The following NINJ2 variants were observed in gnomAD, a reference collection of about 807,000 sequenced individuals.
NINJ2 encodes ninjurin 2, also known as ninjurin-2.
NINJ2 carries 12 observed loss-of-function variants against 11.7 expected under a neutral mutation model. The observed-to-expected ratio is 1.02, with a 90% CI of 0.66 to 1.66. NINJ2 has a LOEUF of 1.66. NINJ2 is among the 40% of genes most tolerant of loss of function. The pLI is 0.00. For synonymous variants in NINJ2, 93 were observed against 76.8 expected, an observed-to-expected ratio of 1.21 and a Z score of -1.10; for missense variants, 187 against 181.8, an observed-to-expected ratio of 1.03 and a Z score of -0.16.
chr12:610,432 T>C (rs1271176667), intron 1 of NINJ2: 1 of 1,535,316 alleles, frequency 6.5e-7, no homozygotes, highest in Non-Finnish European at 8.7e-7. Flanking sequence ...ACAGGAAGTC[T>C]CAACGGAAAA....
intron 1 of NINJ2, among the ~76,000 whole-genome samples, chr12:588,621 G>A (rs974325611): frequency 6.6e-6 from 1 of 152,146 alleles, no homozygotes; most frequent in African/African-American, 2.4e-5. Context: ...TGCCTTCAGA[G>A]TGTGTGCTCC....
intron 1 of NINJ2, among the ~76,000 whole-genome samples, chr12:662,543 T>A (rs1318145812): frequency 6.6e-6 from 1 of 152,250 alleles, no homozygotes; most frequent in East Asian, 1.9e-4. Context: ...TCAGAAATTC[T>A]TGATCTCAAA....
At chr12:629,700 C>A (rs1948248416) in intron 1 of NINJ2, among the ~76,000 whole-genome samples, 1 of 150,684 alleles carries the variant, frequency 6.6e-6, no homozygotes, top group African/African-American at 2.4e-5. Context: ...CCAGCCTGAC[C>A]AACATGGAGA....
At chr12:616,223 AAC>A (rs1266446843) in intron 1 of NINJ2, among the ~76,000 whole-genome samples, 6 of 152,214 alleles carry the variant, frequency 3.9e-5, no homozygotes, top group African/African-American at 1.4e-4. Context: ...CTTCTCCAAG[AAC>A]AGAGGCTGGA....
At chr12:612,794 GTA>G (rs1948049367) in intron 1 of NINJ2, among the ~76,000 whole-genome samples, 1 of 152,150 alleles carries the variant, frequency 6.6e-6, no homozygotes, top group Non-Finnish European at 1.5e-5. Context: ...AAAGATCTGT[GTA>G]TCCTCAAAAC....
intron 1 of NINJ2, among the ~76,000 whole-genome samples, chr12:579,482 CACAAAACAAAACAAAA>C (rs1432794386): frequency 6.8e-6 from 1 of 148,002 alleles, no homozygotes; most frequent in East Asian, 2.0e-4. Flanking sequence ...CATGGAGTCA[CACAAAACAAAACAAAA>C]ACAAAACAAA....
At chr12:623,571 T>C (rs1445143329) in intron 1 of NINJ2, among the ~76,000 whole-genome samples, 2 of 152,212 alleles carry the variant, frequency 1.3e-5, no homozygotes, top group Non-Finnish European at 2.9e-5. Context: ...AAATCCACTC[T>C]TGGGCTTAGT....
chr12:621,537 G>A (rs1948152865), intron 1 of NINJ2, among the ~76,000 whole-genome samples: 2 of 151,530 alleles, frequency 1.3e-5, no homozygotes, highest in Admixed American at 6.6e-5. Context: ...AAAAGAGAGA[G>A]AGCCTGGGCA....
At chr12:576,099 C>A (rs1947455049) in intron 1 of NINJ2, among the ~76,000 whole-genome samples, 1 of 152,184 alleles carries the variant, frequency 6.6e-6, no homozygotes, top group South Asian at 2.1e-4. Context: ...GTTTCTTTTG[C>A]GTGTTATTCC....
Position 580,082 on chromosome 12 carries a change from T to C in NINJ2, c.34-13904A>G, listed in dbSNP as rs1284300455. Among the ~76,000 whole-genome samples, 1 of 152,146 alleles carries C rather than the reference T, an allele frequency of 6.6e-6. No homozygotes were observed. The highest frequency in any genetic ancestry group is 1.5e-5 in the Non-Finnish European group (1 of 68,036). ...GATCTAGATATGCTACCTATAAATA[T>C]TTTAGACTGGTCCCCATTGTTGAGG... On this transcript the variant is annotated intron_variant, in intron 1 of 3. Transcript: ENST00000305108. This position sits in a 1 kb window ranked among gnomAD's most constrained non-coding sequence, Gnocchi z 4.7.
In NINJ2 at chr12:614,660, A is replaced by C. The variant is rs1174015428; in HGVS notation, c.34-48482T>G. On this transcript the variant is annotated intron_variant, in intron 1 of 3. Coordinates refer to ENST00000305108, the MANE Select transcript of NINJ2 (RefSeq NM_016533.6). This position sits in a 1 kb window ranked among gnomAD's most constrained non-coding sequence, Gnocchi z 5.1. The stretch of plus-strand genomic sequence containing the variant: ...CTAAGAGGATTCCTGCTTCCCTCTT[A>C]TCCAGAGAAGTCACTTAGTTAGCTC... 6.6e-6 allele frequency among the ~76,000 whole-genome samples: 1 copy of C among 152,074 alleles called. No individual in the cohort carries two copies. Among genetic ancestry groups the C allele is most frequent in the Non-Finnish European group, 1.5e-5 (1 of 68,018 alleles).
intron 1 of NINJ2, among the ~76,000 whole-genome samples, chr12:634,413 C>T (rs1002303824): frequency 1.3e-4 from 20 of 151,786 alleles, no homozygotes; most frequent in African/African-American, 3.9e-4. Flanking sequence ...GCGCCCACCA[C>T]CACAGCCGGC....
intron 1 of NINJ2, among the ~76,000 whole-genome samples, chr12:637,815 G>C (rs1379218319): frequency 1.3e-5 from 2 of 152,074 alleles, no homozygotes; most frequent in Non-Finnish European, 2.9e-5. Flanking sequence ...CTTACGGGTG[G>C]GGTAAAAGAA....
chr12:639,741 C>T (rs1057243008), intron 1 of NINJ2, among the ~76,000 whole-genome samples: 2 of 152,202 alleles, frequency 1.3e-5, no homozygotes, highest in Admixed American at 1.3e-4. Flanking sequence ...CAAGTGCCTC[C>T]TGAGGACGGG....
intron 1 of NINJ2, among the ~76,000 whole-genome samples, chr12:651,594 G>C (rs983493604): frequency 1.3e-5 from 2 of 152,190 alleles, no homozygotes; most frequent in Admixed American, 6.5e-5. Flanking sequence ...ACCACAATTG[G>C]AAGAGAAGAG....
chr12:630,852 G>C (rs529160013), intron 1 of NINJ2: 1 of 152,360 alleles, frequency 6.6e-6, no homozygotes, highest in Non-Finnish European at 1.5e-5. Context: ...CCGGCCCTGC[G>C]CACAGACCCA....
intron 1 of NINJ2, among the ~76,000 whole-genome samples, chr12:579,258 G>C (rs1947512401): frequency 6.6e-6 from 1 of 152,180 alleles, no homozygotes; most frequent in Non-Finnish European, 1.5e-5. Context: ...ATGGGAGAAA[G>C]GGAAGGTGGT....
chr12:610,664 T>A (rs1447559301), intron 1 of NINJ2: 1 of 983,646 alleles, frequency 1.0e-6, no homozygotes, highest in Non-Finnish European at 1.2e-6. Flanking sequence ...GGAGACAACT[T>A]CAACTCAACC....
chr12:610,443 T>C (rs1437514896), intron 1 of NINJ2: 2 of 1,535,054 alleles, frequency 1.3e-6, no homozygotes, highest in Non-Finnish European at 8.7e-7. Flanking sequence ...CAACGGAAAA[T>C]GAGGTCAGCC....
Sources: allele counts gnomAD v4.1 joint callset (sites outside exome capture counted in the v4.1 genomes callset), GRCh38; gene constraint gnomAD v4.1.1; non-coding constraint Gnocchi (gnomAD v3.1); transcripts MANE v1.5; gene names NCBI Gene and HGNC (gene_info 2026-07-23, HGNC 2026-07-21).